TOX2: variants seen among roughly 807,000 people sequenced by gnomAD.
TOX2 encodes TOX high mobility group box family member 2, also known as granulosa cell HMG box 1.
TOX2 carries 15 observed loss-of-function variants against 47.4 expected under a neutral mutation model. That is an observed-to-expected ratio of 0.32 (90% CI 0.21 to 0.49). The LOEUF (loss-of-function observed/expected upper bound fraction) is 0.49, where lower values mean the gene tolerates loss of function less well. Ranked by LOEUF, TOX2 falls within the 20% of genes least tolerant of loss-of-function variation. TOX2 has a pLI of 0.99. For synonymous variants in TOX2, 290 were observed against 296.6 expected (o/e 0.98, Z 0.23); for missense variants, 622 against 673.1 (o/e 0.92, Z 0.84).
intron 2 of TOX2, among the ~76,000 whole-genome samples, chr20:43,988,755 C>T (rs2070316055): frequency 6.6e-6 from 1 of 152,202 alleles, no homozygotes; most frequent in Non-Finnish European, 1.5e-5. Context: ...GACACATTCA[C>T]AAGCACATCT....
chr20:43,945,555 T>C (rs913478207), intron 1 of TOX2: 1 of 256,436 alleles, frequency 3.9e-6, no homozygotes, highest in African/African-American at 2.2e-5. Flanking sequence ...TGCTGCCAAT[T>C]TGCCTTCCGA....
At chr20:44,067,941 C>T (rs552839271) in intron 8 of TOX2, among the ~76,000 whole-genome samples, 71 of 152,346 alleles carry the variant, frequency 4.7e-4, no homozygotes, top group African/African-American at 1.6e-3. Context: ...TGCTGAGAAA[C>T]GCTGCCCCCA....
chr20:44,032,703 G>A (rs904847577), intron 3 of TOX2, among the ~76,000 whole-genome samples: 1 of 152,134 alleles, frequency 6.6e-6, no homozygotes, highest in Admixed American at 6.5e-5. Flanking sequence ...TGGGGAGCAC[G>A]GGGACTCCCC....
intron 1 of TOX2, among the ~76,000 whole-genome samples, chr20:43,964,110 A>C (rs75858157): frequency 6.6e-6 from 1 of 151,872 alleles, no homozygotes; most frequent in African/African-American, 2.4e-5. Context: ...AAAAAAAAAA[A>C]CCAACAGCTT....
At chr20:43,919,437 T>C (rs1016953557) in intron 1 of TOX2, among the ~76,000 whole-genome samples, 2 of 152,184 alleles carry the variant, frequency 1.3e-5, no homozygotes, top group African/African-American at 2.4e-5. Flanking sequence ...AATAGGGAAG[T>C]TGAGGAAGGC....
intron 3 of TOX2, among the ~76,000 whole-genome samples, chr20:44,016,595 C>CTAG (rs1234769898): frequency 6.6e-6 from 1 of 152,130 alleles, no homozygotes; most frequent in African/African-American, 2.4e-5. Flanking sequence ...TTCCTGGCCT[C>CTAG]TAGTAGCACT....
At chr20:43,918,051 CT>C (rs2069076933) in intron 1 of TOX2, among the ~76,000 whole-genome samples, 1 of 124,596 alleles carries the variant, frequency 8.0e-6, no homozygotes, top group Non-Finnish European at 1.8e-5. Context: ...CCAGGTTTGA[CT>C]CCCAGCAGGA....
At chr20:43,937,992 TCCGTTTTCTCA>T (rs2069349640) in intron 1 of TOX2, among the ~76,000 whole-genome samples, 2 of 152,138 alleles carry the variant, frequency 1.3e-5, no homozygotes, top group African/African-American at 4.8e-5. Context: ...GTCCTGAGCC[TCCGTTTTCTCA>T]CCTGGAAATA....
At position 44,006,588 on chromosome 20, in the gene TOX2, C is replaced by A. The variant is rs1026289454; in HGVS notation, c.207C>A (p.Ile69=). Residue 69 remains isoleucine, a synonymous_variant, in exon 3 of 9, where the codon ATC becomes ATA. Coordinates refer to ENST00000341197, the MANE Select transcript of TOX2 (RefSeq NM_001098797.2). ...GCGAGAACAACGAAGACTATGAGAT[C>A]CCCCCGATAACACCTCCCAACCTCC... is the stretch of plus-strand genomic sequence containing the variant. ...GQSENNEDYE[I]PPITPPNLPE... 6.2e-7 allele frequency: 1 copy of A among 1,613,868 alleles called. No individual in the cohort carries two copies. Among genetic ancestry groups the A allele is most frequent in the Non-Finnish European group, 8.5e-7 (1 of 1,180,010 alleles).
intron 1 of TOX2, among the ~76,000 whole-genome samples, chr20:43,935,927 CAAAAAAAA>C (rs58300627): frequency 1.4e-5 from 1 of 72,032 alleles, no homozygotes; most frequent in Non-Finnish European, 2.7e-5. Context: ...AACTCCATCC[CAAAAAAAA>C]AAAAAAAAAA....
chr20:43,945,574 C>T lies in TOX2; in HGVS notation c.100-27793C>T, dbSNP rs553349189. 6 of 272,322 alleles carry T rather than the reference C, an allele frequency of 2.2e-5. No homozygotes were observed. In the South Asian group the frequency reaches 2.6e-4, roughly 12 times the overall value. The allele number at this position is 272,322 out of a possible 1,614,324, so 16.9% of individuals were successfully genotyped here. A position where few individuals can be genotyped will look rare whatever the true frequency, so the allele number is the denominator to read the frequency against. On this transcript the variant is annotated intron_variant, in intron 1 of 8. Coordinates refer to ENST00000341197, the MANE Select transcript of TOX2 (RefSeq NM_001098797.2). Reference sequence around the variant, plus strand: ...GCCAATTTGCCTTCCGAAGGCTCTTCCAGTGCAACACCCCTCCCAAGGCAG... The same window carrying T: ...GCCAATTTGCCTTCCGAAGGCTCTTTCAGTGCAACACCCCTCCCAAGGCAG...
At chr20:43,932,776 C>CG (rs2069271161) in intron 1 of TOX2, among the ~76,000 whole-genome samples, 1 of 139,064 alleles carries the variant, frequency 7.2e-6, no homozygotes, top group Non-Finnish European at 1.5e-5. Context: ...GGGTTGCTGC[C>CG]CCCCCCCGCC....
intron 3 of TOX2, among the ~76,000 whole-genome samples, chr20:44,020,675 C>T (rs1176606144): frequency 1.3e-5 from 2 of 152,114 alleles, no homozygotes; most frequent in African/African-American, 2.4e-5. Flanking sequence ...TCTCAGGCCC[C>T]TCCCTAGACC....
chr20:43,956,371 G>A lies in TOX2; in HGVS notation c.100-16996G>A, dbSNP rs146998205. On this transcript the variant is annotated intron_variant, in intron 1 of 8. Coordinates refer to ENST00000341197, the MANE Select transcript of TOX2 (RefSeq NM_001098797.2). The stretch of plus-strand genomic sequence containing the variant: ...AGGTCAGGAGTTCGAGACCAGCCTG[G>A]CCAACATGATGAAACCCCATCTCTA... Among the ~76,000 whole-genome samples, 790 of 152,084 alleles carry A rather than the reference G, an allele frequency of 5.2e-3. 15 individuals are homozygous for A. Among genetic ancestry groups the A allele is most frequent in the African/African-American group, 0.018 (749 of 41,468 alleles).
chr20:43,934,798 TTG>T (rs148972789), intron 1 of TOX2, among the ~76,000 whole-genome samples: 96 of 147,812 alleles, frequency 6.5e-4, no homozygotes, highest in African/African-American at 1.8e-3. Flanking sequence ...GTGTGTGTGT[TTG>T]TGTGTGTGTG....
chr20:44,051,507 A>G lies in TOX2; in HGVS notation c.613A>G (p.Ser205Gly), dbSNP rs562253168. Residue 205 changes from serine to glycine, a missense_variant, in exon 4 of 9, where the codon AGC (serine) becomes GGC (glycine). Around this residue, in one of 3 missense-constraint regions of TOX2, gnomAD observed 307 missense variants for 327.3 expected, o/e 0.94. Transcript: ENST00000341197. ...CAAGTCAGCGACCCCCTCTCCCTCC[A>G]GCTCCACTCAGGAAGAGGAGTCGGA... ...GSKSATPSPS[S>G]STQEEESEVH... is the part of the protein sequence containing the mutation. 2 of 1,608,858 alleles carry G rather than the reference A, an allele frequency of 1.2e-6. No individual in the cohort carries two copies. Among genetic ancestry groups the G allele is most frequent in the East Asian group, 4.5e-5 (2 of 44,710 alleles).
intron 3 of TOX2, chr20:44,038,943 T>C: frequency 8.5e-7 from 1 of 1,183,300 alleles, no homozygotes; most frequent in Non-Finnish European, 1.1e-6. Context: ...TCGTTCCTGC[T>C]GCCTCCGTGT....
chr20:44,054,492 C>T lies in TOX2; in HGVS notation c.845C>T (p.Ser282Phe). ...GGTGACGTGTCCAAAATCGTGGCCT[C>T]CATGTGGGACAGCCTGGGAGAGGAA... ...TFGDVSKIVA[S>F]MWDSLGEEQK... Residue 282 changes from serine (S) to phenylalanine (F), a missense_variant, in exon 5 of 9, where the codon TCC becomes TTC. Physicochemically the swap from Ser to Phe is radical, Grantham distance 155. Around this residue, in one of 3 missense-constraint regions of TOX2, gnomAD observed 294 missense variants for 300.0 expected, o/e 0.98. Coordinates refer to ENST00000341197, the MANE Select transcript of TOX2 (RefSeq NM_001098797.2). 1 of 1,614,036 alleles carries T rather than the reference C, an allele frequency of 6.2e-7. No homozygotes were observed. The highest frequency in any genetic ancestry group is 2.2e-5 in the East Asian group (1 of 44,876).
intron 5 of TOX2, among the ~76,000 whole-genome samples, chr20:44,058,315 C>T (rs573519038): frequency 3.0e-4 from 45 of 152,312 alleles, no homozygotes; most frequent in African/African-American, 9.9e-4. Context: ...GCCAGCTTTC[C>T]CTCACTTCCC....
Sources: allele counts gnomAD v4.1 joint callset (sites outside exome capture counted in the v4.1 genomes callset), GRCh38; gene constraint gnomAD v4.1.1; regional missense constraint gnomAD v4.1.1; transcripts MANE v1.5; gene names NCBI Gene and HGNC (gene_info 2026-07-23, HGNC 2026-07-21).